NPTN: variants seen among roughly 807,000 people sequenced by gnomAD.
NPTN encodes SDR-1.
NPTN carries 5 observed loss-of-function variants against 42.7 expected under a neutral mutation model. The observed-to-expected ratio is 0.12, with a 90% CI of 0.06 to 0.25. The LOEUF (loss-of-function observed/expected upper bound fraction) is 0.25. Ranked by LOEUF, NPTN falls within the 10% of genes least tolerant of loss-of-function variation. NPTN has a pLI of 1.00. For synonymous variants in NPTN, 180 were observed against 201.9 expected, an observed-to-expected ratio of 0.89 and a Z score of 0.92; for missense variants, 307 against 525.4, an observed-to-expected ratio of 0.58 and a Z score of 4.06.
At chr15:73,568,661 T>A (rs984564625) in intron 6 of NPTN, 2 of 985,430 alleles carry the variant, frequency 2.0e-6, no homozygotes, top group Non-Finnish European at 1.2e-6. Flanking sequence ...AGTAGGAAAG[T>A]AAAACTCATG....
At chr15:73,616,618 C>T (rs147315473) in intron 1 of NPTN, among the ~76,000 whole-genome samples, 70 of 152,256 alleles carry the variant, frequency 4.6e-4, no homozygotes, top group African/African-American at 1.6e-3. Flanking sequence ...TTCTATTCTC[C>T]CTTCACAATT....
At chr15:73,602,534 GTGAGGCTGTCACAGACT>G (rs1897124483) in intron 1 of NPTN, among the ~76,000 whole-genome samples, 2 of 152,338 alleles carry the variant, frequency 1.3e-5, no homozygotes, top group South Asian at 4.1e-4. Flanking sequence ...CTTAACTGCT[GTGAGGCTGTCACAGACT>G]TGAGCCTACA....
At chr15:73,610,056 T>C (rs537982608) in intron 1 of NPTN, among the ~76,000 whole-genome samples, 14 of 152,174 alleles carry the variant, frequency 9.2e-5, no homozygotes, top group African/African-American at 3.4e-4. Context: ...TATTCCTTTC[T>C]TCCCTCACCT....
chr15:73,628,085 GAAC>G (rs1378080677), intron 1 of NPTN, among the ~76,000 whole-genome samples: 3 of 151,936 alleles, frequency 2.0e-5, no homozygotes, highest in East Asian at 1.9e-4. Flanking sequence ...TCCATATTAT[GAAC>G]AACATTTTAA....
chr15:73,589,563 G>A (rs200604726), intron 3 of NPTN, among the ~76,000 whole-genome samples: 1 of 152,048 alleles, frequency 6.6e-6, no homozygotes, highest in Non-Finnish European at 1.5e-5. Context: ...TAGTTATATA[G>A]GGCTGAGTTC....
chr15:73,622,972 C>A (rs1404264550), intron 1 of NPTN, among the ~76,000 whole-genome samples: 1 of 152,206 alleles, frequency 6.6e-6, no homozygotes, highest in Non-Finnish European at 1.5e-5. Flanking sequence ...GCACCAGCTC[C>A]CACTTCTAAA....
rs533584498 is a variant in NPTN, at chr15:73,574,706, C to T, written c.707-911G>A. Among the ~76,000 whole-genome samples the T allele has an allele frequency of 1.2e-4, 19 of 152,256 alleles. No homozygotes were observed. In the South Asian group the frequency reaches 3.9e-3, roughly 32 times the overall value. On this transcript the variant is annotated intron_variant, in intron 4 of 8. Coordinates refer to ENST00000345330, the MANE Select transcript of NPTN (RefSeq NM_012428.4). ...GGGATTACAGGTGTTTGCATCTGCACCTGGCCCTAAGACCTTTTATTAACA... is the reference window on the plus strand; with the variant it reads ...GGGATTACAGGTGTTTGCATCTGCATCTGGCCCTAAGACCTTTTATTAACA...
At chr15:73,581,136 T>C (rs751271058) in intron 4 of NPTN, among the ~76,000 whole-genome samples, 1 of 152,204 alleles carries the variant, frequency 6.6e-6, no homozygotes, top group Non-Finnish European at 1.5e-5. Context: ...CATTTGCTGA[T>C]ACAAACAGGA....
chr15:73,567,419 C>T (rs1344571204), intron 6 of NPTN: 2 of 985,270 alleles, frequency 2.0e-6, no homozygotes, highest in African/African-American at 1.7e-5. Flanking sequence ...TTAACACTCC[C>T]AAGTTTGTGT....
intron 1 of NPTN, among the ~76,000 whole-genome samples, chr15:73,612,286 G>A (rs1427849241): frequency 1.3e-5 from 2 of 151,976 alleles, no homozygotes; most frequent in Admixed American, 1.3e-4. Flanking sequence ...CAGGCATGGT[G>A]GTATGTACCT....
At position 73,623,800 on chromosome 15, in the gene NPTN, A is replaced by C. The variant is rs74026225; in HGVS notation, c.91+9325T>G. ...TTCTAAACAAGCACAGTACTATGTA[A>C]GAAAGAGATCATTTCTGTTTTTGAG... is the stretch of plus-strand genomic sequence containing the variant. On this transcript the variant is annotated intron_variant, in intron 1 of 8. Transcript: ENST00000345330. 1.2e-3 allele frequency among the ~76,000 whole-genome samples: 176 copies of C among 152,328 alleles called. 1 individual carries two copies. The highest frequency in any genetic ancestry group is 4.1e-3 in the African/African-American group (172 of 41,584).
At chr15:73,600,338 A>C (rs1422170418) in intron 1 of NPTN, among the ~76,000 whole-genome samples, 1 of 136,086 alleles carries the variant, frequency 7.3e-6, no homozygotes, top group Non-Finnish European at 1.5e-5. Context: ...TTTGAAGGCC[A>C]TTATTGTTAT....
chr15:73,632,272 C>G (rs1046291597), intron 1 of NPTN, among the ~76,000 whole-genome samples: 4 of 149,852 alleles, frequency 2.7e-5, no homozygotes, highest in African/African-American at 9.9e-5. Context: ...CCACCCCCAT[C>G]TCTATACCCA....
intron 1 of NPTN, among the ~76,000 whole-genome samples, chr15:73,598,813 G>T (rs1896946274): frequency 6.6e-6 from 1 of 152,152 alleles, no homozygotes; most frequent in African/African-American, 2.4e-5. Context: ...CAGAAGCCAA[G>T]GATGTTAACA....
Position 73,581,260 on chromosome 15 carries a change from A to G in NPTN, c.706+6264T>C, listed in dbSNP as rs540922583. The stretch of plus-strand genomic sequence containing the variant: ...CTATGGTCTTGCCTTTTAATAAGGG[A>G]CTGCTTAACCAGATTTTGTTGGTCT... On this transcript the variant is annotated intron_variant, in intron 4 of 8. Transcript: ENST00000345330. Among the ~76,000 whole-genome samples, 4 of 152,276 alleles carry G rather than the reference A, an allele frequency of 2.6e-5. No individual in the cohort carries two copies. In the South Asian group the frequency reaches 8.3e-4, roughly 32 times the overall value.
intron 4 of NPTN, among the ~76,000 whole-genome samples, chr15:73,580,815 A>C (rs917257736): frequency 6.6e-6 from 1 of 151,994 alleles, no homozygotes; most frequent in African/African-American, 2.4e-5. Context: ...GTATTAGTGT[A>C]GCGTAAAGAG....
chr15:73,586,921 A>T (rs1466806190), intron 4 of NPTN, among the ~76,000 whole-genome samples: 1 of 152,216 alleles, frequency 6.6e-6, no homozygotes, highest in African/African-American at 2.4e-5. Context: ...AACTTAGGAA[A>T]GCTGAAATTT....
At position 73,597,410 on chromosome 15, in the gene NPTN, A is replaced by AC; in HGVS notation, c.92-42_92-41insG. ...GCAGGAATGCAGTGACAGGCCAATC[A>AC]GAAAAAAAAAAAAGAATCAACAGGT... On this transcript the variant is annotated intron_variant, in intron 1 of 8. Transcript: ENST00000345330. The surrounding 1 kb of genome is among the most constrained non-coding windows in gnomAD (Gnocchi z 6.3). 1 of 1,400,634 alleles carries AC rather than the reference A, an allele frequency of 7.1e-7. No homozygotes were observed. Among genetic ancestry groups the AC allele is most frequent in the Non-Finnish European group, 9.8e-7 (1 of 1,020,592 alleles). The allele number at this position is 1,400,634 out of a possible 1,614,324, so 86.8% of individuals were successfully genotyped here. A position where few individuals can be genotyped will look rare whatever the true frequency, so the allele number is the denominator to read the frequency against.
At chr15:73,601,659 A>G (rs1031836842) in intron 1 of NPTN, among the ~76,000 whole-genome samples, 2 of 152,220 alleles carry the variant, frequency 1.3e-5, no homozygotes, top group Non-Finnish European at 2.9e-5. Context: ...AAAAACCCTA[A>G]ATTTTGTAAG....
Sources: allele counts gnomAD v4.1 joint callset (sites outside exome capture counted in the v4.1 genomes callset), GRCh38; gene constraint gnomAD v4.1.1; non-coding constraint Gnocchi (gnomAD v3.1); transcripts MANE v1.5; gene names NCBI Gene and HGNC (gene_info 2026-07-23, HGNC 2026-07-21).